The following CCDC158 variants were observed in gnomAD, a reference collection of about 807,000 sequenced individuals.
The protein encoded by CCDC158 is coiled-coil domain-containing protein 158.
In CCDC158, 116 loss-of-function variants were observed where a neutral mutation model predicts 138.6. The ratio of observed to expected loss-of-function variants is 0.84; its 90% CI spans 0.72 to 0.98. CCDC158 has a LOEUF of 0.98. Among genes scored for constraint, CCDC158 ranks in the 50% least tolerant of loss-of-function variants. The probability of loss-of-function intolerance (pLI) is 0.00; values close to 1 mark genes in which losing one functional copy is unlikely to be tolerated. For synonymous variants in CCDC158, 436 were observed against 442.4 expected, an observed-to-expected ratio of 0.99 and a Z score of 0.18; for missense variants, 1,265 against 1,306.1, an observed-to-expected ratio of 0.97 and a Z score of 0.48.
intron 3 of CCDC158, among the ~76,000 whole-genome samples, chr4:76,400,612 A>C (rs1342476801): frequency 6.6e-6 from 1 of 151,972 alleles, no homozygotes; most frequent in African/African-American, 2.4e-5. Context: ...CCCCCCCAAA[A>C]AAAAGAATGG....
chr4:76,333,641 G>C (rs1721198393), intron 19 of CCDC158, among the ~76,000 whole-genome samples: 1 of 152,172 alleles, frequency 6.6e-6, no homozygotes. Flanking sequence ...TGTGGCTGCA[G>C]ACACGTCGAC....
chr4:76,355,577 C>T (rs959914644), intron 14 of CCDC158, 141 bp from the exon 15 acceptor site: 48 of 642,458 alleles, frequency 7.5e-5, no homozygotes, highest in Middle Eastern at 5.1e-4. Context: ...AGATCATGGA[C>T]GAATGTCTTC....
chr4:76,395,290 T>G (rs1727677033), intron 4 of CCDC158, among the ~76,000 whole-genome samples: 2 of 152,192 alleles, frequency 1.3e-5, no homozygotes, highest in South Asian at 4.1e-4. Context: ...ACCTTATTCA[T>G]TTTTGTATCC....
intron 1 of CCDC158, among the ~76,000 whole-genome samples, chr4:76,420,588 C>G (rs1375017662): frequency 6.6e-6 from 1 of 152,202 alleles, no homozygotes; most frequent in Non-Finnish European, 1.5e-5. Flanking sequence ...GTCTTGGATG[C>G]GAGGCTGTCC....
chr4:76,345,270 A>C, intron 18 of CCDC158: 1 of 941,876 alleles, frequency 1.1e-6, no homozygotes, highest in East Asian at 2.4e-5. Flanking sequence ...ACGATACTAC[A>C]TGCTCAACAT....
At chr4:76,396,722 T>C (rs887673234) in intron 3 of CCDC158, among the ~76,000 whole-genome samples, 1 of 151,832 alleles carries the variant, frequency 6.6e-6, no homozygotes, top group Non-Finnish European at 1.5e-5. Flanking sequence ...ATGTTAGCCA[T>C]GGTGAAACCA....
intron 12 of CCDC158, among the ~76,000 whole-genome samples, chr4:76,362,985 G>T (rs200783519): frequency 1.2e-3 from 178 of 152,272 alleles, no homozygotes; most frequent in African/African-American, 4.1e-3. Context: ...GCAGGTTTGG[G>T]TGCTCTCCTC....
At chr4:76,337,645 T>A (rs1560800129) in intron 18 of CCDC158, among the ~76,000 whole-genome samples, 1 of 151,320 alleles carries the variant, frequency 6.6e-6, no homozygotes, top group Admixed American at 6.6e-5. Flanking sequence ...AGCAGGAGAA[T>A]CGCTTGAACC....
chr4:76,384,648 C>T lies in CCDC158; in HGVS notation c.306G>A (p.Glu102=), dbSNP rs1214761060. 6.2e-7 allele frequency: 1 copy of T among 1,612,260 alleles called. No individual in the cohort carries two copies. Among genetic ancestry groups the T allele is most frequent in the African/African-American group, 1.3e-5 (1 of 74,836 alleles). Residue 102 remains glutamate (E), a synonymous_variant, in exon 5 of 25, where the codon GAG becomes GAA. Transcript: ENST00000682701. ...RRLNESNELH[E]KQKFYLRQSV... ...ACTGCCTCAAATAAAACTTTTGTTT[C>T]TCATGCAATTCATTGCTCTGAAAAA...
intron 7 of CCDC158, 138 bp downstream of exon 7, chr4:76,383,524 G>A: frequency 1.6e-6 from 1 of 618,756 alleles, no homozygotes; most frequent in Non-Finnish European, 2.9e-6. Context: ...AAAACAAAAT[G>A]TTAACATGAG....
intron 2 of CCDC158, among the ~76,000 whole-genome samples, chr4:76,406,750 C>T (rs10006315): frequency 0.029 from 4,464 of 152,136 alleles, 218 homozygotes; most frequent in African/African-American, 0.1. Context: ...ATAAGGGAAA[C>T]ACAAGCTGAA....
intron 2 of CCDC158, among the ~76,000 whole-genome samples, chr4:76,406,513 AT>A (rs1728840653): frequency 6.6e-6 from 1 of 152,218 alleles, no homozygotes; most frequent in South Asian, 2.1e-4. Context: ...ATAACAGACA[AT>A]ATACTTTCCT....
In CCDC158 at chr4:76,323,347, C is replaced by T; in HGVS notation, c.3232G>A (p.Glu1078Lys). 6.2e-7 allele frequency: 1 copy of T among 1,613,232 alleles called. No homozygotes were observed. Among genetic ancestry groups the T allele is most frequent in the East Asian group, 2.2e-5 (1 of 44,854 alleles). The change falls in exon 24 of 25, where the codon GAA becomes AAA. Residue 1078 changes from glutamate (E) to lysine (K), a missense_variant. By Grantham distance (56) the Glu-to-Lys change is moderately conservative. Transcript: ENST00000682701. ...TCTTCTACCAGAGTTTGCAAGCTTTCTAGTCTGTTCTGAAGCTTCCTGCAT... is the reference window on the plus strand; with the variant it reads ...TCTTCTACCAGAGTTTGCAAGCTTTTTAGTCTGTTCTGAAGCTTCCTGCAT... ...KTCRKLQNRL[E>K]SLQTLVEDLQ...
At chr4:76,341,766 G>A (rs1299768262) in intron 18 of CCDC158, among the ~76,000 whole-genome samples, 1 of 152,178 alleles carries the variant, frequency 6.6e-6, no homozygotes, top group Non-Finnish European at 1.5e-5. Context: ...AGGTGTTTGA[G>A]TTTGGGCCAA....
intron 8 of CCDC158, among the ~76,000 whole-genome samples, chr4:76,381,001 C>T (rs922376323): frequency 6.6e-6 from 1 of 152,186 alleles, no homozygotes; most frequent in Admixed American, 6.5e-5. Flanking sequence ...GTACAGAAAG[C>T]AAGAGTTGAG....
chr4:76,402,270 T>C (rs950741713), intron 3 of CCDC158: 41 of 152,278 alleles, frequency 2.7e-4, no homozygotes, highest in African/African-American at 9.4e-4. Context: ...TTGAGTGTTG[T>C]AGGTTCCCTT....
At chr4:76,361,422 C>T (rs1021535480) in intron 13 of CCDC158, among the ~76,000 whole-genome samples, 13 of 152,026 alleles carry the variant, frequency 8.6e-5, no homozygotes, top group South Asian at 2.1e-4. Flanking sequence ...ATTAGCCAGG[C>T]GTGGTGGTGG....
intron 1 of CCDC158, among the ~76,000 whole-genome samples, chr4:76,418,148 G>A (rs1729844431): frequency 6.6e-6 from 1 of 152,176 alleles, no homozygotes; most frequent in South Asian, 2.1e-4. Context: ...TCCAGCGGCT[G>A]AGTAGAGAAT....
At chr4:76,384,456 C>T (rs765885069) in intron 5 of CCDC158, 41 bp from the exon 6 acceptor site, 1 of 1,572,922 alleles carries the variant, frequency 6.4e-7, no homozygotes, top group South Asian at 1.2e-5. Flanking sequence ...ATTGATAAAA[C>T]TCATATTCAC....
Sources: gnomAD v4.1 joint callset for allele counts (sites outside exome capture counted in the v4.1 genomes callset) on GRCh38, gnomAD v4.1.1 for gene constraint, MANE v1.5 for transcripts, NCBI Gene and HGNC (gene_info 2026-07-23, HGNC 2026-07-21) for gene names.